Variants in NCOA1 observed in about 807,000 individuals in gnomAD.
NCOA1 encodes Hin-2 protein.
In NCOA1, 35 loss-of-function variants were observed where a neutral mutation model predicts 150.9. That is an observed-to-expected ratio of 0.23 (90% CI 0.18 to 0.31). NCOA1 has a LOEUF of 0.31. Among genes scored for constraint, NCOA1 ranks in the 10% least tolerant of loss-of-function variants. The pLI is 1.00. For synonymous variants in NCOA1, 590 were observed against 630.0 expected, an observed-to-expected ratio of 0.94 and a Z score of 0.95; for missense variants, 1,491 against 1,749.3, an observed-to-expected ratio of 0.85 and a Z score of 2.63.
chr2:24,553,452 C>T (rs1464718495), intron 1 of NCOA1, among the ~76,000 whole-genome samples: 2 of 152,094 alleles, frequency 1.3e-5, no homozygotes. Flanking sequence ...CTGCTGACCT[C>T]AAGTGATCTG....
chr2:24,684,182 T>C (rs1253422722), intron 8 of NCOA1, among the ~76,000 whole-genome samples: 1 of 152,234 alleles, frequency 6.6e-6, no homozygotes, highest in African/African-American at 2.4e-5. Context: ...CTGTAGATTC[T>C]TTTGCTCTAC....
At chr2:24,585,330 A>G (rs757986890) in intron 3 of NCOA1, among the ~76,000 whole-genome samples, 44 of 152,146 alleles carry the variant, frequency 2.9e-4, no homozygotes, top group Non-Finnish European at 6.2e-4. Context: ...GTGCAAATAC[A>G]TTTACCCTTT....
At chr2:24,686,601 G>C (rs1052367340) in intron 8 of NCOA1, among the ~76,000 whole-genome samples, 1 of 152,084 alleles carries the variant, frequency 6.6e-6, no homozygotes, top group Admixed American at 6.5e-5. Flanking sequence ...ATTCCACAGA[G>C]TATTCAGGAC....
chr2:24,581,674 A>G (rs556514650), intron 2 of NCOA1, among the ~76,000 whole-genome samples: 223 of 152,250 alleles, frequency 1.5e-3, no homozygotes, highest in Non-Finnish European at 1.7e-3. Flanking sequence ...ACAGAAAACT[A>G]CAGGCCAATA....
chr2:24,646,573 C>T (rs1670483010), intron 4 of NCOA1, among the ~76,000 whole-genome samples: 1 of 151,982 alleles, frequency 6.6e-6, no homozygotes, highest in African/African-American at 2.4e-5. Context: ...ATGATAGTGA[C>T]ATTGGAGAAG....
At chr2:24,687,666 G>A (rs1363988581) in intron 8 of NCOA1, among the ~76,000 whole-genome samples, 2 of 152,162 alleles carry the variant, frequency 1.3e-5, no homozygotes, top group African/African-American at 2.4e-5. Context: ...ACTTCCAGAC[G>A]CTTATAAAAC....
At chr2:24,719,245 A>T (rs969918345) in intron 14 of NCOA1, among the ~76,000 whole-genome samples, 2 of 152,116 alleles carry the variant, frequency 1.3e-5, no homozygotes, top group African/African-American at 4.8e-5. Flanking sequence ...AGGCAAAACT[A>T]ATCTGTAGTA....
Position 24,770,050 on chromosome 2 carries a change from TCTATTCAGAAA to T in NCOA1, c.*1664_*1674del, listed in dbSNP as rs1363317816. 1 of 229,242 alleles carries T rather than the reference TCTATTCAGAAA, an allele frequency of 4.4e-6. No individual in the cohort carries two copies. The highest frequency in any genetic ancestry group is 6.3e-5 in the East Asian group (1 of 15,996). The allele number at this position is 229,242 out of a possible 1,614,324, so 14.2% of individuals were successfully genotyped here. A position where few individuals can be genotyped will look rare whatever the true frequency, so the allele number is the denominator to read the frequency against. On this transcript the variant is annotated 3_prime_UTR_variant, in exon 23 of 23. Transcript: ENST00000348332. ...TTACAAATAACTCCATTGAACAGCATCTATTCAGAAACTATGCCGAATAAAAAGATTGGTGG... is the reference window on the plus strand; with the variant it reads ...TTACAAATAACTCCATTGAACAGCATCTATGCCGAATAAAAAGATTGGTGG...
intron 1 of NCOA1, among the ~76,000 whole-genome samples, chr2:24,518,265 T>G (rs1361704142): frequency 6.6e-6 from 1 of 152,084 alleles, no homozygotes; most frequent in Non-Finnish European, 1.5e-5. Flanking sequence ...AGAAAAAGCA[T>G]TTGATAAAAA....
intron 1 of NCOA1, among the ~76,000 whole-genome samples, chr2:24,493,766 A>C (rs184815075): frequency 2.9e-4 from 44 of 152,368 alleles, no homozygotes; most frequent in Non-Finnish European, 5.0e-4. Flanking sequence ...CAGAAGCAGC[A>C]GTTTGTATAA....
intron 4 of NCOA1, among the ~76,000 whole-genome samples, chr2:24,645,362 G>T (rs1331608404): frequency 6.6e-6 from 1 of 151,140 alleles, no homozygotes; most frequent in African/African-American, 2.4e-5. Flanking sequence ...AATTAGCCAG[G>T]CGTGGTGGTG....
At chr2:24,536,131 T>TG (rs999846471) in intron 1 of NCOA1, among the ~76,000 whole-genome samples, 1 of 152,226 alleles carries the variant, frequency 6.6e-6, no homozygotes, top group Admixed American at 6.5e-5. Flanking sequence ...CCATATTTCT[T>TG]GGAGGCTCTG....
intron 1 of NCOA1, among the ~76,000 whole-genome samples, chr2:24,551,537 G>A (rs557476049): frequency 1.2e-4 from 18 of 152,056 alleles, no homozygotes; most frequent in East Asian, 3.9e-4. Context: ...TCAGTGAGAG[G>A]TTGGCAAACT....
chr2:24,674,123 A>ATGTGTATG (rs1671796890), intron 7 of NCOA1, among the ~76,000 whole-genome samples: 1 of 145,502 alleles, frequency 6.9e-6, no homozygotes, highest in South Asian at 2.2e-4. Context: ...ATATGTATGT[A>ATGTGTATG]TGTGTGTGTG....
At chr2:24,720,572 G>A (rs1329001580) in intron 14 of NCOA1, among the ~76,000 whole-genome samples, 1 of 152,160 alleles carries the variant, frequency 6.6e-6, no homozygotes, top group Non-Finnish European at 1.5e-5. Context: ...AGGTAGATAT[G>A]GGGGAGGTCA....
intron 1 of NCOA1, among the ~76,000 whole-genome samples, chr2:24,531,324 C>T (rs1664876831): frequency 6.6e-6 from 1 of 152,108 alleles, no homozygotes; most frequent in Non-Finnish European, 1.5e-5. Flanking sequence ...ATGAAACCAA[C>T]CAAATTGCCC....
At chr2:24,726,834 T>TAA (rs5829933) in intron 15 of NCOA1, 128 bp downstream of exon 15, 976 of 203,548 alleles carry the variant, frequency 4.8e-3, no homozygotes, top group South Asian at 8.4e-3. Context: ...AAATACTTAC[T>TAA]AAAAAAAAAA....
At chr2:24,653,328 T>A (rs1572546093) in intron 4 of NCOA1, among the ~76,000 whole-genome samples, 1 of 152,170 alleles carries the variant, frequency 6.6e-6, no homozygotes, top group East Asian at 1.9e-4. Context: ...TTTTTCAAAA[T>A]TAGAATATTC....
At chr2:24,689,707 TC>T in intron 8 of NCOA1, among the ~76,000 whole-genome samples, 1 of 152,362 alleles carries the variant, frequency 6.6e-6, no homozygotes, top group East Asian at 1.9e-4. Flanking sequence ...CATTTTTTTA[TC>T]ATAGGGTCTA....
Sources: allele counts gnomAD v4.1 joint callset (sites outside exome capture counted in the v4.1 genomes callset), GRCh38; gene constraint gnomAD v4.1.1; transcripts MANE v1.5; gene names NCBI Gene and HGNC (gene_info 2026-07-23, HGNC 2026-07-21).